P4HA1: variants seen among roughly 807,000 people sequenced by gnomAD.
P4HA1 encodes the protein prolyl 4-hydroxylase subunit alpha-1.
P4HA1 carries 24 observed loss-of-function variants against 72.8 expected under a neutral mutation model. The ratio of observed to expected loss-of-function variants is 0.33; its 90% CI spans 0.24 to 0.46. The LOEUF is 0.46. Among genes scored for constraint, P4HA1 ranks in the 20% least tolerant of loss-of-function variants. The pLI is 1.00. For missense variants in P4HA1, 446 were observed against 640.6 expected, an observed-to-expected ratio of 0.70 and a Z score of 3.28; for synonymous variants, 201 against 218.8, an observed-to-expected ratio of 0.92 and a Z score of 0.72.
intron 1 of P4HA1, among the ~76,000 whole-genome samples, chr10:73,087,886 T>C (rs1354058809): frequency 1.3e-5 from 2 of 152,188 alleles, no homozygotes; most frequent in African/African-American, 4.8e-5. Flanking sequence ...AACAGTGTGT[T>C]TGGAAGAGCA....
chr10:73,083,245 AAAG>A (rs1841860692), intron 1 of P4HA1, among the ~76,000 whole-genome samples: 1 of 152,204 alleles, frequency 6.6e-6, no homozygotes, highest in Non-Finnish European at 1.5e-5. Context: ...TCTGTTCTTA[AAAG>A]AAGAGTGAGC....
chr10:73,029,828 T>C (rs1470633762), intron 10 of P4HA1, among the ~76,000 whole-genome samples: 1 of 151,592 alleles, frequency 6.6e-6, no homozygotes, highest in African/African-American at 2.4e-5. Context: ...TTTATAGACA[T>C]AAAAGTAACA....
intron 1 of P4HA1, among the ~76,000 whole-genome samples, chr10:73,096,058 TAA>T (rs771694477): frequency 1.3e-5 from 2 of 152,152 alleles, no homozygotes; most frequent in African/African-American, 4.8e-5. Flanking sequence ...TGTCTCTTTT[TAA>T]AAAAAGTTAT....
rs1841007554 is a variant in P4HA1, at chr10:73,051,034, A to T, written c.900+19T>A. On this transcript the variant is annotated intron_variant, in intron 7 of 14. Coordinates refer to ENST00000394890, the MANE Select transcript of P4HA1 (RefSeq NM_001017962.3). ...ACACACACACATTCACATACACACA[A>T]TTGGCTTTTCCACTTTACCATTTTG... 6.3e-7 allele frequency: 1 copy of T among 1,587,768 alleles called. No individual in the cohort carries two copies. The highest frequency in any genetic ancestry group is 8.6e-7 in the Non-Finnish European group (1 of 1,157,140).
At chr10:73,025,174 C>T (rs1840236425) in intron 10 of P4HA1, among the ~76,000 whole-genome samples, 1 of 152,016 alleles carries the variant, frequency 6.6e-6, no homozygotes, top group Admixed American at 6.5e-5. Flanking sequence ...GGCAGAGACA[C>T]AACAAAAAAA....
At chr10:73,085,744 T>C (rs1841912751) in intron 1 of P4HA1, among the ~76,000 whole-genome samples, 1 of 152,142 alleles carries the variant, frequency 6.6e-6, no homozygotes, top group Non-Finnish European at 1.5e-5. Context: ...GGCAAGTACA[T>C]GAAAAGATGT....
chr10:73,078,081 A>AAAAC (rs1841742418), intron 1 of P4HA1, among the ~76,000 whole-genome samples: 1 of 151,532 alleles, frequency 6.6e-6, no homozygotes, highest in African/African-American at 2.4e-5. Flanking sequence ...AAAAAAAAAA[A>AAAAC]AAAAAACCTT....
chr10:73,031,455 A>C (rs1261140525), intron 9 of P4HA1, among the ~76,000 whole-genome samples: 1 of 152,258 alleles, frequency 6.6e-6, no homozygotes, highest in Non-Finnish European at 1.5e-5. Context: ...ACTGCACTCC[A>C]ACCTGGGTGA....
rs117591271 is a variant in P4HA1, at chr10:73,066,210, T to C, written c.463+2636A>G. Among the ~76,000 whole-genome samples the C allele has an allele frequency of 6.7e-3, 1,026 of 152,272 alleles. 5 individuals carry two copies. The highest frequency in any genetic ancestry group is 0.014 in the Middle Eastern group (4 of 294). On this transcript the variant is annotated intron_variant, in intron 5 of 14. Coordinates refer to ENST00000394890, the MANE Select transcript of P4HA1 (RefSeq NM_001017962.3). ...TTCATGCTATTATTTTTACCACTTA[T>C]AGGGTATAATGTGATTAGGAAATTT...
intron 5 of P4HA1, among the ~76,000 whole-genome samples, chr10:73,059,398 C>T (rs7095773): frequency 0.04 from 5,028 of 124,320 alleles, 375 homozygotes; most frequent in African/African-American, 0.15. Context: ...AAGACAACCC[C>T]GGGCAAAATA....
chr10:73,037,459 G>A (rs1415434179), intron 9 of P4HA1, among the ~76,000 whole-genome samples: 1 of 134,932 alleles, frequency 7.4e-6, no homozygotes, highest in Non-Finnish European at 1.5e-5. Context: ...ATTTGAACAT[G>A]ATCACTACCT....
intron 9 of P4HA1, among the ~76,000 whole-genome samples, chr10:73,038,969 A>G (rs1420680348): frequency 6.6e-6 from 1 of 152,190 alleles, no homozygotes; most frequent in East Asian, 1.9e-4. Flanking sequence ...ATGACTTGCC[A>G]AAAGTTAACA....
chr10:73,008,371 A>C, intron 14 of P4HA1, 79 bp from the exon 15 acceptor site: 1 of 904,752 alleles, frequency 1.1e-6, no homozygotes, highest in Non-Finnish European at 1.8e-6. Flanking sequence ...CTAGGTCTAT[A>C]ACAAAGTTTC....
chr10:73,031,876 G>A (rs369424772), intron 9 of P4HA1, among the ~76,000 whole-genome samples: 7 of 151,994 alleles, frequency 4.6e-5, no homozygotes, highest in African/African-American at 4.8e-5. Context: ...TCAGTCCTTC[G>A]CTTTCTTCAC....
chr10:73,011,278 TG>T (rs1839904838), intron 12 of P4HA1, among the ~76,000 whole-genome samples: 1 of 152,172 alleles, frequency 6.6e-6, no homozygotes, highest in Admixed American at 6.5e-5. Flanking sequence ...GATGGAAGAC[TG>T]GGGATATAAT....
At chr10:73,066,951 A>G (rs1408508201) in intron 5 of P4HA1, among the ~76,000 whole-genome samples, 1 of 152,114 alleles carries the variant, frequency 6.6e-6, no homozygotes, top group Non-Finnish European at 1.5e-5. Flanking sequence ...AGTCTTGGGT[A>G]TTTCTTCATA....
At chr10:73,091,807 T>C (rs1302132948) in intron 1 of P4HA1, among the ~76,000 whole-genome samples, 34 of 152,236 alleles carry the variant, frequency 2.2e-4, no homozygotes, top group Admixed American at 2.2e-3. Context: ...TATGTACCTA[T>C]AACATTACTC....
At chr10:73,074,528 G>A (rs892439714) in intron 2 of P4HA1, among the ~76,000 whole-genome samples, 1 of 151,820 alleles carries the variant, frequency 6.6e-6, no homozygotes, top group Non-Finnish European at 1.5e-5. Context: ...TAGATTAAGT[G>A]GAAAAAGCAG....
chr10:73,095,383 T>A (rs923506780), intron 1 of P4HA1, among the ~76,000 whole-genome samples: 1 of 152,068 alleles, frequency 6.6e-6, no homozygotes, highest in African/African-American at 2.4e-5. Context: ...AAAATCCCTT[T>A]AAAATGTTTT....
Sources: gnomAD v4.1 joint callset for allele counts (sites outside exome capture counted in the v4.1 genomes callset) on GRCh38, gnomAD v4.1.1 for gene constraint, MANE v1.5 for transcripts, NCBI Gene and HGNC (gene_info 2026-07-23, HGNC 2026-07-21) for gene names.